NGF: variants seen among roughly 807,000 people sequenced by gnomAD.
NGF encodes beta-nerve growth factor.
Under a neutral mutation model 12.8 loss-of-function variants are expected in NGF, and 4 were observed. The observed-to-expected ratio is 0.31, with a 90% CI of 0.15 to 0.72. The LOEUF is 0.72. NGF is among the 30% of genes least tolerant of loss of function. The pLI is 0.69. For missense variants in NGF, 283 were observed against 330.8 expected (o/e 0.86, Z 1.12); for synonymous variants, 140 against 130.0 (o/e 1.08, Z -0.52).
At chr1:115,329,740 CTTTCTTTTTTTTTTTTT>C (rs1466721477) in intron 1 of NGF, among the ~76,000 whole-genome samples, 1 of 131,048 alleles carries the variant, frequency 7.6e-6, no homozygotes, top group Non-Finnish European at 1.6e-5. Context: ...TTTTTTCTTT[CTTTCTTTTTTTTTTTTT>C]TTTTTTTTGG....
chr1:115,298,134 C>T (rs74477915), intron 1 of NGF, among the ~76,000 whole-genome samples: 3,309 of 152,314 alleles, frequency 0.022, 54 homozygotes, highest in Middle Eastern at 0.048. Context: ...CCTGTCTCTC[C>T]TGCCTGACCC....
At chr1:115,332,146 A>T (rs572700309) in intron 1 of NGF, among the ~76,000 whole-genome samples, 2 of 152,362 alleles carry the variant, frequency 1.3e-5, no homozygotes, top group Non-Finnish European at 2.9e-5. Context: ...GGAGTAAGGA[A>T]GCAAAACATT....
intron 1 of NGF, among the ~76,000 whole-genome samples, chr1:115,330,567 G>C (rs899601235): frequency 6.6e-6 from 1 of 152,160 alleles, no homozygotes; most frequent in African/African-American, 2.4e-5. Flanking sequence ...CTTTTCAGAG[G>C]AGCATGTACA....
intron 1 of NGF, among the ~76,000 whole-genome samples, chr1:115,335,406 T>C (rs1214521562): frequency 6.6e-6 from 1 of 152,240 alleles, no homozygotes; most frequent in Admixed American, 6.5e-5. Flanking sequence ...AATGCCAGTG[T>C]ACACTGTTTT....
At chr1:115,292,948 C>T (rs757836117) in intron 2 of NGF, among the ~76,000 whole-genome samples, 7 of 151,822 alleles carry the variant, frequency 4.6e-5, no homozygotes, top group Admixed American at 1.3e-4. Flanking sequence ...ACTGGGCTCT[C>T]GGAGGGCAGC....
intron 1 of NGF, among the ~76,000 whole-genome samples, chr1:115,298,318 C>CAA (rs1653933595): frequency 6.6e-6 from 1 of 152,118 alleles, no homozygotes; most frequent in African/African-American, 2.4e-5. Context: ...TTTTTCCCCC[C>CAA]AAAAGAACTC....
At chr1:115,291,631 C>T (rs777944287) in intron 2 of NGF, among the ~76,000 whole-genome samples, 1 of 152,238 alleles carries the variant, frequency 6.6e-6, no homozygotes, top group African/African-American at 2.4e-5. Flanking sequence ...TGATGGGCTG[C>T]CCTGCCCTCT....
At position 115,286,557 on chromosome 1, in the gene NGF, C is replaced by T. The variant is rs11466111; in HGVS notation, c.239G>A (p.Arg80Gln). 23,233 of 1,614,182 alleles carry T rather than the reference C, an allele frequency of 0.014. 224 individuals carry two copies. Among genetic ancestry groups the T allele is most frequent in the Non-Finnish European group, 0.017 (20,395 of 1,180,044 alleles). Residue 80 changes from arginine to glutamine, a missense_variant, in exon 3 of 3, where the codon CGG becomes CAG. Coordinates refer to ENST00000369512, the MANE Select transcript of NGF (RefSeq NM_002506.3). ...ITVDPRLFKK[R>Q]RLRSPRVLFS... ...CAGCACACGGGGTGAACGGAGTCGCCGCTTTTTAAACAGCCTGGGGTCCAC... is the reference window on the plus strand; with the variant it reads ...CAGCACACGGGGTGAACGGAGTCGCTGCTTTTTAAACAGCCTGGGGTCCAC...
intron 2 of NGF, among the ~76,000 whole-genome samples, chr1:115,287,979 T>C (rs535747873): frequency 4.1e-4 from 62 of 152,314 alleles, no homozygotes; most frequent in African/African-American, 1.1e-3. Context: ...AAAGCTTCCA[T>C]AGATCTTCCT....
chr1:115,321,582 G>GTGTGTGTGTGTGTA (rs1654628202), intron 1 of NGF, among the ~76,000 whole-genome samples: 1 of 34,316 alleles, frequency 2.9e-5, no homozygotes, highest in Admixed American at 3.4e-4. Context: ...TGGGATGTGT[G>GTGTGTGTGTGTGTA]TGTGTGTGTG....
chr1:115,333,656 T>C (rs1030751130), intron 1 of NGF, among the ~76,000 whole-genome samples: 6 of 8,962 alleles, frequency 6.7e-4, no homozygotes, highest in African/African-American at 2.9e-3. Flanking sequence ...TCTTTCTTTC[T>C]CTTTCTTTCT....
At chr1:115,303,500 C>CCAT (rs756778202) in intron 1 of NGF, among the ~76,000 whole-genome samples, 1 of 151,646 alleles carries the variant, frequency 6.6e-6, no homozygotes, top group African/African-American at 2.4e-5. Flanking sequence ...TTCTCCATCA[C>CCAT]CATCACCACT....
At chr1:115,299,151 A>G (rs1192980714) in intron 1 of NGF, among the ~76,000 whole-genome samples, 2 of 152,226 alleles carry the variant, frequency 1.3e-5, no homozygotes, top group Non-Finnish European at 2.9e-5. Flanking sequence ...CCAATAGGAA[A>G]ATAATACATC....
At chr1:115,303,265 G>A (rs1219179039) in intron 1 of NGF, among the ~76,000 whole-genome samples, 2 of 152,076 alleles carry the variant, frequency 1.3e-5, no homozygotes, top group Non-Finnish European at 2.9e-5. Context: ...TTAAGTCCCA[G>A]GACCTAAGTG....
rs528362615 is a variant in NGF, at chr1:115,316,384, C to A, written c.-137+21820G>T. Among the ~76,000 whole-genome samples, 3 of 152,218 alleles carry A rather than the reference C, an allele frequency of 2.0e-5. No homozygotes were observed. The East Asian group carries it at 5.8e-4, about 29-fold the overall frequency. On this transcript the variant is annotated intron_variant, in intron 1 of 2. Transcript: ENST00000369512. ...CACTCACATCTATTCAGAAAATAAG[C>A]CAATTGATATCTCCTTGTTGATTGT... is the stretch of plus-strand genomic sequence containing the variant.
intron 1 of NGF, among the ~76,000 whole-genome samples, chr1:115,322,536 T>C (rs1036354941): frequency 2.0e-5 from 3 of 151,940 alleles, no homozygotes; most frequent in Admixed American, 2.0e-4. Flanking sequence ...CCCTAAATTG[T>C]GAAATAGTGC....
Position 115,323,026 on chromosome 1 carries a change from A to G in NGF, c.-137+15178T>C, listed in dbSNP as rs575347117. The stretch of plus-strand genomic sequence containing the variant: ...CATATGTTCTCTTTTTACAATCACT[A>G]CTTTATAAGGGAGTATTATTATTAT... On this transcript the variant is annotated intron_variant, in intron 1 of 2. Coordinates refer to ENST00000369512, the MANE Select transcript of NGF (RefSeq NM_002506.3). 7.9e-5 allele frequency among the ~76,000 whole-genome samples: 12 copies of G among 152,264 alleles called. No homozygotes were observed. The South Asian group carries it at 1.9e-3, about 24-fold the overall frequency.
At chr1:115,314,918 G>T (rs368829770) in intron 1 of NGF, among the ~76,000 whole-genome samples, 1 of 152,298 alleles carries the variant, frequency 6.6e-6, no homozygotes, top group East Asian at 1.9e-4. Context: ...AAGTTGAGGC[G>T]CTAGTTTGGT....
chr1:115,286,483 A>C lies in NGF; in HGVS notation c.313T>G (p.Phe105Val). 1 of 1,613,990 alleles carries C rather than the reference A, an allele frequency of 6.2e-7. No individual in the cohort carries two copies. The highest frequency in any genetic ancestry group is 8.5e-7 in the Non-Finnish European group (1 of 1,179,966). ...REAADTQDLD[F>V]EVGGAAPFNR... ...AAGGGGGCAGCACCACCGACCTCGAAGTCCAGATCCTGAGTGTCTGCAGCT... is the reference window on the plus strand; with the variant it reads ...AAGGGGGCAGCACCACCGACCTCGACGTCCAGATCCTGAGTGTCTGCAGCT... The change falls in exon 3 of 3, where the codon TTC becomes GTC. Residue 105 changes from phenylalanine to valine, a missense_variant. Coordinates refer to ENST00000369512, the MANE Select transcript of NGF (RefSeq NM_002506.3).
Sources: allele counts gnomAD v4.1 joint callset (sites outside exome capture counted in the v4.1 genomes callset), GRCh38; gene constraint gnomAD v4.1.1; transcripts MANE v1.5; gene names NCBI Gene and HGNC (gene_info 2026-07-23, HGNC 2026-07-21).